The following CEP85L variants were observed in gnomAD, a reference collection of about 807,000 sequenced individuals.
CEP85L encodes centrosomal protein of 85 kDa-like.
A neutral mutation model predicts 100.3 loss-of-function variants in CEP85L; 60 were observed. The ratio of observed to expected loss-of-function variants is 0.60; its 90% confidence interval spans 0.49 to 0.74. The LOEUF is 0.74. Ranked by LOEUF, CEP85L falls within the 30% of genes least tolerant of loss-of-function variation. The probability of loss-of-function intolerance (pLI) is 0.00; values close to 1 mark genes in which losing one functional copy is unlikely to be tolerated. For missense variants in CEP85L, 973 were observed against 936.2 expected (o/e 1.04, Z -0.51); for synonymous variants, 319 against 322.7 (o/e 0.99, Z 0.12).
At chr6:118,503,958 T>G (rs1775478473) in intron 5 of CEP85L, among the ~76,000 whole-genome samples, 1 of 151,790 alleles carries the variant, frequency 6.6e-6, no homozygotes, top group Non-Finnish European at 1.5e-5. Context: ...AATTAAAAAC[T>G]TTTTCCCTCC....
At chr6:118,601,322 A>C (rs1781777339) in intron 2 of CEP85L, among the ~76,000 whole-genome samples, 1 of 152,208 alleles carries the variant, frequency 6.6e-6, no homozygotes, top group African/African-American at 2.4e-5. Context: ...ACCTTTGCTC[A>C]AACCCTGGTT....
At chr6:118,701,637 A>C (rs1349883444) in intron 1 of CEP85L, among the ~76,000 whole-genome samples, 1 of 152,182 alleles carries the variant, frequency 6.6e-6, no homozygotes, top group African/African-American at 2.4e-5. Context: ...GGAGAGGGAG[A>C]GAGAAAGGCA....
At chr6:118,508,875 G>A (rs2114705660) in intron 5 of CEP85L, among the ~76,000 whole-genome samples, 1 of 151,968 alleles carries the variant, frequency 6.6e-6, no homozygotes, top group East Asian at 1.9e-4. Context: ...AAGATCCAAA[G>A]TTAAAAAAAT....
At chr6:118,534,706 A>G (rs954316154) in intron 3 of CEP85L, among the ~76,000 whole-genome samples, 4 of 152,118 alleles carry the variant, frequency 2.6e-5, no homozygotes, top group African/African-American at 9.7e-5. Context: ...TAAATGGGAA[A>G]TTGAATTTGG....
intron 1 of CEP85L, among the ~76,000 whole-genome samples, chr6:118,705,588 G>A (rs1335213378): frequency 1.3e-5 from 2 of 152,206 alleles, no homozygotes; most frequent in African/African-American, 2.4e-5. Context: ...CTAATGGCAT[G>A]GTAAGTGTGA....
intron 10 of CEP85L, among the ~76,000 whole-genome samples, chr6:118,476,130 T>TC (rs1289957702): frequency 5.3e-5 from 8 of 151,786 alleles, no homozygotes; most frequent in South Asian, 2.1e-4. Flanking sequence ...CTCGTACAAC[T>TC]CCCCCCCGCG....
chr6:118,526,347 T>C (rs1285729127), intron 3 of CEP85L, among the ~76,000 whole-genome samples: 1 of 152,116 alleles, frequency 6.6e-6, no homozygotes, highest in Non-Finnish European at 1.5e-5. Context: ...ATCCAACAAA[T>C]AACACAGTTA....
At chr6:118,608,615 T>C (rs1772406748) in intron 2 of CEP85L, among the ~76,000 whole-genome samples, 1 of 152,184 alleles carries the variant, frequency 6.6e-6, no homozygotes, top group Non-Finnish European at 1.5e-5. Flanking sequence ...GAGGTAGGGA[T>C]CTACTACCAC....
chr6:118,495,114 C>T (rs1177276793), intron 5 of CEP85L, among the ~76,000 whole-genome samples: 1 of 150,436 alleles, frequency 6.6e-6, no homozygotes, highest in Non-Finnish European at 1.5e-5. Flanking sequence ...ACTTCCAATA[C>T]TGAAAAAGAG....
Position 118,580,934 on chromosome 6 carries a change from G to T in CEP85L, c.233-14618C>A, listed in dbSNP as rs1357131257. 2.0e-5 allele frequency among the ~76,000 whole-genome samples: 3 copies of T among 152,160 alleles called. No individual in the cohort carries two copies. The East Asian group carries it at 5.8e-4, about 29-fold the overall frequency. Reference sequence around the variant, plus strand: ...GTGAGCCTCTCTCTCTCAGCCCCTTGGTCTGGAGAGCACACGGCATTTCCA... The same window carrying T: ...GTGAGCCTCTCTCTCTCAGCCCCTTTGTCTGGAGAGCACACGGCATTTCCA... On this transcript the variant is annotated intron_variant, in intron 2 of 12. Coordinates refer to ENST00000368491, the MANE Select transcript of CEP85L (RefSeq NM_001042475.3).
At position 118,491,635 on chromosome 6, in the gene CEP85L, T is replaced by C. The variant is rs575997946; in HGVS notation, c.1437+51A>G. 7 of 1,577,388 alleles carry C rather than the reference T, an allele frequency of 4.4e-6. No individual in the cohort carries two copies. The African/African-American group carries it at 5.4e-5, about 12-fold the overall frequency. On this transcript the variant is annotated intron_variant, in intron 6 of 12. Coordinates refer to ENST00000368491, the MANE Select transcript of CEP85L (RefSeq NM_001042475.3). ...AGGGTAAATGACAGACAAATAATTA[T>C]ATGCTGAGGAAATGTTGTTGACCTA...
At chr6:118,579,453 A>G (rs1193029630) in intron 2 of CEP85L, among the ~76,000 whole-genome samples, 4 of 152,050 alleles carry the variant, frequency 2.6e-5, no homozygotes, top group African/African-American at 7.2e-5. Context: ...ATTCAACTCT[A>G]CTATTTTCTG....
At chr6:118,589,027 G>A (rs1000886237) in intron 2 of CEP85L, 27 of 257,828 alleles carry the variant, frequency 1.0e-4, no homozygotes, top group South Asian at 3.0e-4. Flanking sequence ...TGTTGACCTC[G>A]CCAGGGCTGC....
chr6:118,550,358 T>G (rs1052925197), intron 3 of CEP85L, among the ~76,000 whole-genome samples: 5 of 151,794 alleles, frequency 3.3e-5, no homozygotes, highest in African/African-American at 9.7e-5. Flanking sequence ...TCATTACACA[T>G]GTACACTAAA....
At position 118,663,144 on chromosome 6, in the gene CEP85L, G is replaced by A. The variant is rs187510210; in HGVS notation, c.-27-10336C>T. ...ATTTTGGTGAAGGTTTGGAGAAACC[G>A]ATATACACTTCTAATAGTATAAATG... On this transcript the variant is annotated intron_variant, in intron 1 of 13. Coordinates refer to the CEP85L transcript ENST00000368488. Among the ~76,000 whole-genome samples the A allele has an allele frequency of 9.2e-5, 14 of 152,070 alleles. No individual in the cohort carries two copies. In the East Asian group the frequency reaches 1.3e-3, roughly 15 times the overall value.
chr6:118,651,346 C>T lies in CEP85L; in HGVS notation c.-77G>A, dbSNP rs1345860259. ...CCTCCTGCTTCTTCGGCGGCGGAAA[C>T]TTGCGCGGAGCGTGGGCCTCGGCGA... is the stretch of plus-strand genomic sequence containing the variant. On this transcript the variant is annotated 5_prime_UTR_variant, in exon 1 of 13. Transcript: ENST00000368491. 15 of 1,387,454 alleles carry T rather than the reference C, an allele frequency of 1.1e-5. No individual in the cohort carries two copies. Among genetic ancestry groups the T allele is most frequent in the Admixed American group, 3.3e-5 (1 of 30,374 alleles). 85.9% of individuals were successfully genotyped at this position (1,387,454 alleles called of 1,614,324 possible).
chr6:118,706,071 C>T (rs551624537), intron 1 of CEP85L, among the ~76,000 whole-genome samples: 1 of 152,188 alleles, frequency 6.6e-6, no homozygotes, highest in Non-Finnish European at 1.5e-5. Context: ...AGGTGTGTGT[C>T]CCAGCTCCTC....
chr6:118,578,503 G>A (rs545254593), intron 2 of CEP85L, among the ~76,000 whole-genome samples: 39 of 152,176 alleles, frequency 2.6e-4, no homozygotes, highest in East Asian at 9.7e-4. Flanking sequence ...AGGCTGAGGC[G>A]GGCGGATCAC....
chr6:118,605,033 T>C (rs1772097455), intron 2 of CEP85L, among the ~76,000 whole-genome samples: 2 of 152,128 alleles, frequency 1.3e-5, no homozygotes, highest in East Asian at 1.9e-4. Context: ...ACATAGAAGA[T>C]TCCGCACGTG....
Sources: allele counts gnomAD v4.1 joint callset (sites outside exome capture counted in the v4.1 genomes callset), GRCh38; gene constraint gnomAD v4.1.1; transcripts MANE v1.5; gene names NCBI Gene and HGNC (gene_info 2026-07-23, HGNC 2026-07-21).